The following PARD3B variants were observed in gnomAD, a reference collection of about 807,000 sequenced individuals.
The protein encoded by PARD3B is par-3 family cell polarity regulator beta.
In PARD3B, 103 loss-of-function variants were observed where a neutral mutation model predicts 130.2. The ratio of observed to expected loss-of-function variants is 0.79; its 90% CI spans 0.67 to 0.93. The LOEUF is 0.93. PARD3B is among the 40% of genes least tolerant of loss of function. The pLI is 0.00. For missense variants in PARD3B, 1,609 were observed against 1,499.2 expected (o/e 1.07, Z -1.21); for synonymous variants, 583 against 553.2 (o/e 1.05, Z -0.76).
At chr2:204,991,243 C>T (rs1328510105) in intron 3 of PARD3B, among the ~76,000 whole-genome samples, 2 of 143,972 alleles carry the variant, frequency 1.4e-5, no homozygotes, top group Non-Finnish European at 3.0e-5. Context: ...CAACCCACCA[C>T]AGTCCCCAGA....
chr2:205,038,151 AT>A (rs1283732759), intron 3 of PARD3B, among the ~76,000 whole-genome samples: 4 of 152,202 alleles, frequency 2.6e-5, no homozygotes, highest in African/African-American at 9.6e-5. Flanking sequence ...AGAATGTAGT[AT>A]AAGATATAAT....
chr2:204,621,763 T>G (rs1400182773), intron 1 of PARD3B, among the ~76,000 whole-genome samples: 2 of 152,200 alleles, frequency 1.3e-5, no homozygotes, highest in Non-Finnish European at 2.9e-5. Context: ...AGAAAATTAT[T>G]CAACAGTCTA....
At chr2:205,278,828 G>C (rs2041057840) in intron 16 of PARD3B, among the ~76,000 whole-genome samples, 1 of 151,958 alleles carries the variant, frequency 6.6e-6, no homozygotes, top group Admixed American at 6.6e-5. Context: ...CCAGCACTTT[G>C]GGAGGCCAAG....
chr2:205,320,920 T>C (rs2042731395), intron 18 of PARD3B, among the ~76,000 whole-genome samples: 2 of 152,200 alleles, frequency 1.3e-5, no homozygotes, highest in African/African-American at 2.4e-5. Flanking sequence ...TTCTGGTGTA[T>C]AGGCACTAAA....
Position 205,011,918 on chromosome 2 carries a change from A to G in PARD3B, c.395-35663A>G, listed in dbSNP as rs1695744902. On this transcript the variant is annotated intron_variant, in intron 3 of 22. Transcript: ENST00000406610. The surrounding 1 kb of genome is among the most constrained non-coding windows in gnomAD (Gnocchi z 4.1). Reference sequence around the variant, plus strand: ...CTGATTTGTACAAGGAGGAGAGAAGAGAATGGGCAGTCTCTGGAGCACAGA... The same window carrying G: ...CTGATTTGTACAAGGAGGAGAGAAGGGAATGGGCAGTCTCTGGAGCACAGA... Among the ~76,000 whole-genome samples the G allele has an allele frequency of 6.6e-6, 1 of 152,136 alleles. No individual in the cohort carries two copies. The highest frequency in any genetic ancestry group is 1.5e-5 in the Non-Finnish European group (1 of 68,034).
At chr2:205,273,109 G>T (rs983720134) in intron 16 of PARD3B, among the ~76,000 whole-genome samples, 1 of 152,152 alleles carries the variant, frequency 6.6e-6, no homozygotes, top group Non-Finnish European at 1.5e-5. Flanking sequence ...CTGTAAACTA[G>T]TTCAGTGTTC....
intron 22 of PARD3B, among the ~76,000 whole-genome samples, chr2:205,613,650 A>G (rs1363509141): frequency 6.6e-6 from 1 of 152,210 alleles, no homozygotes; most frequent in Non-Finnish European, 1.5e-5. Flanking sequence ...TACACAAACA[A>G]TTTAATTTTT....
intron 2 of PARD3B, among the ~76,000 whole-genome samples, chr2:204,763,942 A>C (rs1267515352): frequency 6.6e-6 from 1 of 152,202 alleles, no homozygotes; most frequent in Admixed American, 6.5e-5. Context: ...TATGTGGTCT[A>C]TTCTTATGAT....
At chr2:204,955,527 C>T (rs931498706) in intron 2 of PARD3B, among the ~76,000 whole-genome samples, 2 of 152,184 alleles carry the variant, frequency 1.3e-5, no homozygotes, top group Non-Finnish European at 2.9e-5. Flanking sequence ...GCTTTGTTCT[C>T]TTGCTTGGAT....
At chr2:205,613,324 A>C (rs570671709) in intron 22 of PARD3B, among the ~76,000 whole-genome samples, 5 of 152,374 alleles carry the variant, frequency 3.3e-5, no homozygotes, top group African/African-American at 1.2e-4. Context: ...GTGGATTTTG[A>C]GAGAAAGTAC....
intron 3 of PARD3B, among the ~76,000 whole-genome samples, chr2:205,026,226 A>G (rs1240018134): frequency 1.3e-5 from 2 of 152,180 alleles, no homozygotes; most frequent in Non-Finnish European, 2.9e-5. Flanking sequence ...CATTCTACGC[A>G]GAGGGACCAG....
chr2:204,657,235 A>G (rs1403051070), intron 1 of PARD3B, among the ~76,000 whole-genome samples: 1 of 152,168 alleles, frequency 6.6e-6, no homozygotes, highest in Non-Finnish European at 1.5e-5. Flanking sequence ...ATACATTAAG[A>G]ATTGTGAGCT....
intron 1 of PARD3B, among the ~76,000 whole-genome samples, chr2:204,647,718 C>T (rs1238348483): frequency 6.6e-6 from 1 of 151,664 alleles, no homozygotes; most frequent in Non-Finnish European, 1.5e-5. Context: ...ATAGAATATG[C>T]AATGGGTAAT....
intron 2 of PARD3B, among the ~76,000 whole-genome samples, chr2:204,850,352 TGC>T (rs2044656438): frequency 6.6e-6 from 1 of 152,168 alleles, no homozygotes. Context: ...ACCACTGGGT[TGC>T]CTTGATATTT....
rs1405292360 is a variant in PARD3B at position 205,351,077 on chromosome 2, TTCAAA to T, written c.2630+49378_2630+49382del. On this transcript the variant is annotated intron_variant, in intron 18 of 22. Transcript: ENST00000406610. This position sits in a 1 kb window ranked among gnomAD's most constrained non-coding sequence, Gnocchi z 4.2. The stretch of plus-strand genomic sequence containing the variant: ...TTGGTTCAGTCTTGCTGGTTTTCTC[TTCAAA>T]TTAAGTGAAATTCTCTTGATATTTT... 6.6e-6 allele frequency among the ~76,000 whole-genome samples: 1 copy of T among 152,220 alleles called. No individual in the cohort carries two copies. The highest frequency in any genetic ancestry group is 1.5e-5 in the Non-Finnish European group (1 of 68,032).
intron 2 of PARD3B, among the ~76,000 whole-genome samples, chr2:204,775,944 C>A (rs150552064): frequency 3.1e-3 from 477 of 152,262 alleles, no homozygotes; most frequent in Middle Eastern, 0.01. Context: ...TTCCCAGAAG[C>A]CTGCATGCTG....
At chr2:205,531,752 G>C (rs1297034452) in intron 21 of PARD3B, among the ~76,000 whole-genome samples, 1 of 152,034 alleles carries the variant, frequency 6.6e-6, no homozygotes, top group African/African-American at 2.4e-5. Context: ...AGAGGGAGGA[G>C]ATTAGGGAAC....
chr2:205,030,620 A>G lies in PARD3B; in HGVS notation c.395-16961A>G, dbSNP rs191703148. On this transcript the variant is annotated intron_variant, in intron 3 of 22. Transcript: ENST00000406610. ...CTATTTCAGTCTTTTTATCTCTTTAAAACTAATTTAAATCTGAGCATTAAA... is the reference window on the plus strand; with the variant it reads ...CTATTTCAGTCTTTTTATCTCTTTAGAACTAATTTAAATCTGAGCATTAAA... 8.6e-3 allele frequency among the ~76,000 whole-genome samples: 1,307 copies of G among 152,302 alleles called. 10 individuals are homozygous for G. The highest frequency in any genetic ancestry group is 0.013 in the South Asian group (61 of 4,822).
At chr2:204,915,978 G>A (rs770084978) in intron 2 of PARD3B, among the ~76,000 whole-genome samples, 1 of 152,184 alleles carries the variant, frequency 6.6e-6, no homozygotes, top group Non-Finnish European at 1.5e-5. Context: ...TGATAAGTCT[G>A]TACAGTTGAT....
Sources: allele counts gnomAD v4.1 joint callset (sites outside exome capture counted in the v4.1 genomes callset), GRCh38; gene constraint gnomAD v4.1.1; non-coding constraint Gnocchi (gnomAD v3.1); transcripts MANE v1.5; gene names NCBI Gene and HGNC (gene_info 2026-07-23, HGNC 2026-07-21).